Variants in DUSP5 observed in about 807,000 individuals in gnomAD.
The protein encoded by DUSP5 is dual specificity protein phosphatase 5.
Under a neutral mutation model 33.6 loss-of-function variants are expected in DUSP5, and 22 were observed. The ratio of observed to expected loss-of-function variants is 0.66; its 90% CI spans 0.47 to 0.94. The LOEUF (loss-of-function observed/expected upper bound fraction) is 0.94. Ranked by LOEUF, DUSP5 falls within the 40% of genes least tolerant of loss-of-function variation. The pLI is 0.00. For synonymous variants in DUSP5, 270 were observed against 231.1 expected, an observed-to-expected ratio of 1.17 and a Z score of -1.53; for missense variants, 551 against 522.1, an observed-to-expected ratio of 1.06 and a Z score of -0.54.
chr10:110,509,924 T>C, intron 3 of DUSP5, 96 bp from the exon 4 acceptor site: 2 of 1,476,730 alleles, frequency 1.4e-6, no homozygotes, highest in Non-Finnish European at 1.8e-6. Context: ...CACAACAGTT[T>C]CATATCTAGG....
At position 110,498,187 on chromosome 10, in the gene DUSP5, C is replaced by T. The variant is rs763150941; in HGVS notation, c.66C>T (p.Arg22=). The part of the protein sequence containing the change: ...RKMLRKEAAA[R]CVVLDCRPYL... ...TGCTCCGCAAGGAGGCGGCGGCGCG[C>T]TGCGTGGTGCTCGACTGCCGGCCCT... The change falls in exon 1 of 4, where the codon CGC becomes CGT. Residue 22 remains arginine (R), a synonymous_variant. Coordinates refer to ENST00000369583, the MANE Select transcript of DUSP5 (RefSeq NM_004419.4). 4 of 1,498,542 alleles carry T rather than the reference C, an allele frequency of 2.7e-6. No individual in the cohort carries two copies. The Admixed American group carries it at 5.9e-5, about 22-fold the overall frequency. The allele number at this position is 1,498,542 out of a possible 1,614,324, so 92.8% of individuals were successfully genotyped here. A position where few individuals can be genotyped will look rare whatever the true frequency, so the allele number is the denominator to read the frequency against.
At position 110,502,765 on chromosome 10, in the gene DUSP5, G is replaced by A. The variant is rs372429351; in HGVS notation, c.424G>A (p.Asp142Asn). The change falls in exon 2 of 4, where the codon GAT becomes AAT. Residue 142 changes from aspartate (D) to asparagine (N), a missense_variant. By Grantham distance (23) the Asp-to-Asn change is conservative. This residue lies in a region of DUSP5 where 381 missense variants were observed against 310.4 expected (regional missense o/e 1.23). Coordinates refer to ENST00000369583, the MANE Select transcript of DUSP5 (RefSeq NM_004419.4). ...CTCGGAATATCCTGAGTGTTGCGTGGATGTAAAACCCATTTCACAAGAGAA... is the reference window on the plus strand; with the variant it reads ...CTCGGAATATCCTGAGTGTTGCGTGAATGTAAAACCCATTTCACAAGAGAA... ...FYSEYPECCV[D>N]VKPISQEKIE... is the part of the protein sequence containing the mutation. The A allele has an allele frequency of 2.4e-5, 38 of 1,614,168 alleles. No homozygotes were observed. The African/African-American group carries it at 4.7e-4, about 20-fold the overall frequency.
intron 2 of DUSP5, among the ~76,000 whole-genome samples, chr10:110,505,437 C>T (rs1428013739): frequency 6.6e-6 from 1 of 152,200 alleles, no homozygotes; most frequent in South Asian, 2.1e-4. Context: ...TTGTTATTAC[C>T]GTATGTAAAA....
rs148203909 is a variant in DUSP5, at chr10:110,510,324, T to G, written c.1053T>G (p.Gly351=). The part of the protein sequence containing the change: ...HLQTLSPDMQ[G]AYCTFPASVL... The stretch of plus-strand genomic sequence containing the variant: ...AGACACTGAGCCCTGACATGCAGGG[T>G]GCCTACTGCACATTCCCTGCCTCGG... Residue 351 remains glycine (G), a synonymous_variant, in exon 4 of 4, where the codon GGT becomes GGG. Coordinates refer to ENST00000369583, the MANE Select transcript of DUSP5 (RefSeq NM_004419.4). The G allele has an allele frequency of 2.8e-5, 46 of 1,614,094 alleles. No homozygotes were observed. In the African/African-American group the frequency reaches 5.6e-4, roughly 20 times the overall value.
Position 110,502,783 on chromosome 10 carries a change from C to A in DUSP5, c.442C>A (p.Gln148Lys), listed in dbSNP as rs376426983. Residue 148 changes from glutamine (Q) to lysine (K), a missense_variant, in exon 2 of 4, where the codon CAA becomes AAA. Coordinates refer to ENST00000369583, the MANE Select transcript of DUSP5 (RefSeq NM_004419.4). ...TTGCGTGGATGTAAAACCCATTTCA[C>A]AAGAGAAGATTGAGAGTGAGAGAGC... Reference protein sequence around the residue: ...ECCVDVKPISQEKIESERALI... With the variant: ...ECCVDVKPISKEKIESERALI... 13 of 1,614,140 alleles carry A rather than the reference C, an allele frequency of 8.1e-6. No individual in the cohort carries two copies. The highest frequency in any genetic ancestry group is 1.1e-5 in the Non-Finnish European group (13 of 1,180,036).
chr10:110,499,006 C>G (rs537699392), intron 1 of DUSP5, among the ~76,000 whole-genome samples: 1 of 152,316 alleles, frequency 6.6e-6, no homozygotes, highest in African/African-American at 2.4e-5. Context: ...AGTCCCTTCC[C>G]TTTCCATTTC....
intron 3 of DUSP5, 91 bp downstream of exon 3, chr10:110,507,245 C>T: frequency 7.5e-7 from 1 of 1,339,752 alleles, no homozygotes; most frequent in Admixed American, 2.0e-5. Context: ...GCTACCTTCA[C>T]TGAAAGAAAA....
chr10:110,501,998 T>A (rs534167777), intron 1 of DUSP5, among the ~76,000 whole-genome samples: 22 of 150,376 alleles, frequency 1.5e-4, no homozygotes, highest in African/African-American at 5.4e-4. Flanking sequence ...AGGAGAGAAG[T>A]AAGAAAAGTG....
intron 1 of DUSP5, among the ~76,000 whole-genome samples, chr10:110,501,352 G>A (rs540798479): frequency 2.0e-5 from 3 of 152,272 alleles, no homozygotes; most frequent in African/African-American, 2.4e-5. Flanking sequence ...ATGGGCAGGC[G>A]CAATGGGCTG....
intron 3 of DUSP5, among the ~76,000 whole-genome samples, chr10:110,509,345 C>T (rs1860157600): frequency 1.3e-5 from 2 of 152,210 alleles, no homozygotes; most frequent in African/African-American, 4.8e-5. Flanking sequence ...CATTTATATC[C>T]TCCGTCTAGT....
Position 110,498,541 on chromosome 10 carries a change from C to A in DUSP5, c.379+41C>A, listed in dbSNP as rs116149075. ...CCCTGCCACGCTCGCCCCTCCGGCG[C>A]CCCCGGGTCCCCTCCCTGCGCCGGG... On this transcript the variant is annotated intron_variant, in intron 1 of 3. Coordinates refer to ENST00000369583, the MANE Select transcript of DUSP5 (RefSeq NM_004419.4). The A allele has an allele frequency of 2.9e-3, 3,981 of 1,395,714 alleles. 105 individuals are homozygous for A. The African/African-American group carries it at 0.054, about 19-fold the overall frequency. The allele number at this position is 1,395,714 out of a possible 1,614,324, so 86.5% of individuals were successfully genotyped here. A position where few individuals can be genotyped will look rare whatever the true frequency, so the allele number is the denominator to read the frequency against.
intron 1 of DUSP5, among the ~76,000 whole-genome samples, 183 bp downstream of exon 1, chr10:110,498,683 C>G (rs1859996773): frequency 6.6e-6 from 1 of 152,212 alleles, no homozygotes; most frequent in African/African-American, 2.4e-5. Flanking sequence ...TCCCCCTCTT[C>G]CCCACCCGCG....
At position 110,498,051 on chromosome 10, in the gene DUSP5, C is replaced by T; in HGVS notation, c.-71C>T. 1 of 1,085,306 alleles carries T rather than the reference C, an allele frequency of 9.2e-7. No homozygotes were observed. Among genetic ancestry groups the T allele is most frequent in the Non-Finnish European group, 1.1e-6 (1 of 898,990 alleles). 67.2% of individuals were successfully genotyped at this position (1,085,306 alleles called of 1,614,324 possible). On this transcript the variant is annotated 5_prime_UTR_variant, in exon 1 of 4. Coordinates refer to ENST00000369583, the MANE Select transcript of DUSP5 (RefSeq NM_004419.4). Reference sequence around the variant, plus strand: ...CGTGCCTCGCCCGCGGACACCCTGGCCGTGGACACCCTGGCCGTGGGCACC... The same window carrying T: ...CGTGCCTCGCCCGCGGACACCCTGGTCGTGGACACCCTGGCCGTGGGCACC...
At chr10:110,505,196 G>A (rs989108540) in intron 2 of DUSP5, among the ~76,000 whole-genome samples, 1 of 152,236 alleles carries the variant, frequency 6.6e-6, no homozygotes, top group South Asian at 2.1e-4. Flanking sequence ...AGTCAGACAA[G>A]GCCTTGCATC....
intron 1 of DUSP5, among the ~76,000 whole-genome samples, chr10:110,499,555 TAGG>T (rs1478021411): frequency 6.6e-6 from 1 of 152,150 alleles, no homozygotes; most frequent in Non-Finnish European, 1.5e-5. Context: ...GGCGCCGAGT[TAGG>T]AGCCTGTTTT....
intron 1 of DUSP5, 37 bp from the exon 2 acceptor site, chr10:110,502,684 C>T (rs375289199): frequency 3.1e-6 from 5 of 1,604,012 alleles, no homozygotes; most frequent in Non-Finnish European, 4.3e-6. Flanking sequence ...GAAATTGATG[C>T]TTACCATCTG....
chr10:110,501,264 C>CT (rs955282493), intron 1 of DUSP5, among the ~76,000 whole-genome samples: 4 of 152,186 alleles, frequency 2.6e-5, no homozygotes, highest in African/African-American at 9.7e-5. Flanking sequence ...GCTAAGCTGC[C>CT]TATAGCACCA....
In DUSP5 at chr10:110,503,216, G is replaced by A. The variant is rs150872491; in HGVS notation, c.528+347G>A. Among the ~76,000 whole-genome samples the A allele has an allele frequency of 2.9e-3, 442 of 152,346 alleles. 1 individual carries two copies. Among genetic ancestry groups the A allele is most frequent in the Non-Finnish European group, 4.7e-3 (321 of 68,028 alleles). Reference sequence around the variant, plus strand: ...TTGAAATACTGGTCTAGGTTTCCCTGAAGACATTTCAGAGTTGACTTTCAG... The same window carrying A: ...TTGAAATACTGGTCTAGGTTTCCCTAAAGACATTTCAGAGTTGACTTTCAG... On this transcript the variant is annotated intron_variant, in intron 2 of 3. Coordinates refer to ENST00000369583, the MANE Select transcript of DUSP5 (RefSeq NM_004419.4).
At position 110,498,377 on chromosome 10, in the gene DUSP5, G is replaced by C. The variant is rs756046182; in HGVS notation, c.256G>C (p.Val86Leu). 4.2e-6 allele frequency: 6 copies of C among 1,438,152 alleles called. No homozygotes were observed. The highest frequency in any genetic ancestry group is 5.5e-6 in the Non-Finnish European group (6 of 1,095,990). 89.1% of individuals were successfully genotyped at this position (1,438,152 alleles called of 1,614,324 possible). ...GGAGGGCGGCGGCGGCGTCGCGGCC[G>C]TGGTGGTGCTGGACCAGGGCAGCCG... is the stretch of plus-strand genomic sequence containing the variant. Reference protein sequence around the residue: ...LQEGGGGVAAVVVLDQGSRHW... With the variant: ...LQEGGGGVAALVVLDQGSRHW... Residue 86 changes from valine (V) to leucine (L), a missense_variant, in exon 1 of 4, where the codon GTG (valine) becomes CTG (leucine). By Grantham distance (32) the Val-to-Leu change is conservative. This residue lies in a region of DUSP5 where 381 missense variants were observed against 310.4 expected (regional missense o/e 1.23). Coordinates refer to ENST00000369583, the MANE Select transcript of DUSP5 (RefSeq NM_004419.4).
Sources: gnomAD v4.1 joint callset for allele counts (sites outside exome capture counted in the v4.1 genomes callset) on GRCh38, gnomAD v4.1.1 for gene constraint, gnomAD v4.1.1 regional missense constraint, MANE v1.5 for transcripts, NCBI Gene and HGNC (gene_info 2026-07-23, HGNC 2026-07-21) for gene names.